Variants in TCAIM observed in about 807,000 individuals in gnomAD.
The protein encoded by TCAIM is T-cell activation inhibitor, mitochondrial.
In TCAIM, 36 loss-of-function variants were observed where a neutral mutation model predicts 58.6. That is an observed-to-expected ratio of 0.61 (90% CI 0.47 to 0.81). TCAIM has a LOEUF of 0.81. Ranked by LOEUF, TCAIM falls within the 30% of genes least tolerant of loss-of-function variation. The pLI is 0.00. For synonymous variants in TCAIM, 172 were observed against 193.6 expected, an observed-to-expected ratio of 0.89 and a Z score of 0.93; for missense variants, 466 against 579.6, an observed-to-expected ratio of 0.80 and a Z score of 2.01.
At chr3:44,352,927 T>TTTC (rs1701120630) in intron 1 of TCAIM, among the ~76,000 whole-genome samples, 1 of 150,820 alleles carries the variant, frequency 6.6e-6, no homozygotes, top group Non-Finnish European at 1.5e-5. Flanking sequence ...TGACTTCTTT[T>TTTC]TTTTTTTTTT....
At chr3:44,368,906 C>G (rs1483446473) in intron 5 of TCAIM, among the ~76,000 whole-genome samples, 2 of 152,270 alleles carry the variant, frequency 1.3e-5, no homozygotes, top group South Asian at 2.1e-4. Context: ...ATTTGTAGTT[C>G]TAGCTACTTG....
chr3:44,383,530 C>T (rs553050015), intron 5 of TCAIM, among the ~76,000 whole-genome samples: 1 of 152,114 alleles, frequency 6.6e-6, no homozygotes, highest in East Asian at 1.9e-4. Context: ...ACAGCGGTTG[C>T]CAGGGACTGG....
Position 44,391,542 on chromosome 3 carries a change from T to C in TCAIM, c.573-1313T>C, listed in dbSNP as rs1486546543. ...TGTAAGACTATTGAGGTAAACATTCTAAGAAATACAGGTTTAGAGAACATC... is the reference window on the plus strand; with the variant it reads ...TGTAAGACTATTGAGGTAAACATTCCAAGAAATACAGGTTTAGAGAACATC... On this transcript the variant is annotated intron_variant, in intron 5 of 10. Transcript: ENST00000342649. Among the ~76,000 whole-genome samples the C allele has an allele frequency of 2.0e-5, 3 of 152,200 alleles. No individual in the cohort carries two copies. In the East Asian group the frequency reaches 5.8e-4, roughly 29 times the overall value.
intron 5 of TCAIM, among the ~76,000 whole-genome samples, chr3:44,373,828 A>G (rs1051805927): frequency 2.4e-4 from 36 of 152,338 alleles, no homozygotes; most frequent in African/African-American, 8.2e-4. Flanking sequence ...ATGTTAAAAC[A>G]AAAATGTACT....
Position 44,407,820 on chromosome 3 carries a change from A to T in TCAIM, c.*138A>T, listed in dbSNP as rs568850752. On this transcript the variant is annotated 3_prime_UTR_variant, in exon 11 of 11. Coordinates refer to ENST00000342649, the MANE Select transcript of TCAIM (RefSeq NM_173826.4). ...TGCTGCTTTAAAAGTAGACTTTTTT[A>T]AAAAAATTAATTTCTGCTAGGAGAG... is the stretch of plus-strand genomic sequence containing the variant. 3.3e-5 allele frequency: 33 copies of T among 992,934 alleles called. 1 individual carries two copies. Among genetic ancestry groups the T allele is most frequent in the African/African-American group, 1.2e-4 (7 of 59,672 alleles). 61.5% of individuals were successfully genotyped at this position (992,934 alleles called of 1,614,324 possible). A position where few individuals can be genotyped will look rare whatever the true frequency, so the allele number is the denominator to read the frequency against.
intron 3 of TCAIM, 41 bp from the exon 4 acceptor site, chr3:44,361,308 TTTCTGATATTTCCTTG>T (rs1192181820): frequency 4.9e-6 from 7 of 1,414,458 alleles, no homozygotes; most frequent in Non-Finnish European, 6.7e-6. Context: ...ATAGATATCA[TTTCTGATATTTCCTTG>T]TTCTATTTTG....
At chr3:44,388,914 A>G (rs796930329) in intron 5 of TCAIM, among the ~76,000 whole-genome samples, 36 of 152,278 alleles carry the variant, frequency 2.4e-4, no homozygotes, top group African/African-American at 8.4e-4. Context: ...TGGTTTGTAG[A>G]CACCCAACAT....
chr3:44,354,681 A>G (rs921318403), intron 1 of TCAIM, 58 bp from the exon 2 acceptor site: 55 of 1,186,744 alleles, frequency 4.6e-5, no homozygotes, highest in Admixed American at 9.4e-5. Flanking sequence ...ATAAATCGCA[A>G]TGTGTTTTAC....
chr3:44,401,096 T>G, intron 9 of TCAIM, 107 bp from the exon 10 acceptor site: 1 of 1,487,054 alleles, frequency 6.7e-7, no homozygotes, highest in Non-Finnish European at 9.0e-7. Context: ...TGAGGTGGCT[T>G]TTCTTGATGA....
intron 5 of TCAIM, among the ~76,000 whole-genome samples, chr3:44,368,265 A>G (rs560316884): frequency 6.6e-6 from 1 of 152,356 alleles, no homozygotes; most frequent in East Asian, 1.9e-4. Flanking sequence ...CCTTATTTGT[A>G]AAGTCACCTT....
At chr3:44,393,412 A>G (rs546267995) in intron 6 of TCAIM, among the ~76,000 whole-genome samples, 1 of 152,280 alleles carries the variant, frequency 6.6e-6, no homozygotes, top group South Asian at 2.1e-4. Context: ...AGTGAGCTAT[A>G]ATTGCATCAC....
At chr3:44,401,759 G>A (rs561455177) in intron 10 of TCAIM, among the ~76,000 whole-genome samples, 6 of 152,120 alleles carry the variant, frequency 3.9e-5, no homozygotes, top group South Asian at 2.1e-4. Context: ...GGCCCGGCAC[G>A]GTGGCTCATG....
chr3:44,338,310 AG>A (rs1559553985), upstream of TCAIM: 1 of 152,456 alleles, frequency 6.6e-6, no homozygotes, highest in Non-Finnish European at 1.5e-5. Context: ...GAGACCCCTC[AG>A]GGCGGCCGGT....
intron 1 of TCAIM, among the ~76,000 whole-genome samples, chr3:44,349,597 G>T (rs909636672): frequency 6.6e-6 from 1 of 152,134 alleles, no homozygotes; most frequent in Non-Finnish European, 1.5e-5. Flanking sequence ...GATCAAGGCA[G>T]GTGTCCCCGT....
At chr3:44,406,503 T>C (rs1222618957) in intron 10 of TCAIM, among the ~76,000 whole-genome samples, 1 of 93,556 alleles carries the variant, frequency 1.1e-5, no homozygotes, top group East Asian at 3.8e-4. Flanking sequence ...AGAATAATCT[T>C]ACAGAAAAAG....
chr3:44,368,873 T>C (rs1349587528), intron 5 of TCAIM, among the ~76,000 whole-genome samples: 1 of 151,908 alleles, frequency 6.6e-6, no homozygotes, highest in Non-Finnish European at 1.5e-5. Flanking sequence ...AATACAAAAA[T>C]TTAGCCAGGC....
At chr3:44,338,357 C>G (rs6441834), upstream of TCAIM, 133,970 of 152,510 alleles carry the variant, frequency 0.88, 58,942 homozygotes, top group Middle Eastern at 0.94. Context: ...AAGCGCGCGG[C>G]GAAGGTGCAG....
Position 44,367,577 on chromosome 3 carries a change from C to T in TCAIM, c.441C>T (p.Thr147=), listed in dbSNP as rs755945996. The part of the protein sequence containing the change: ...HIQSLNTNMH[T]QPLKEAKRMP... The stretch of plus-strand genomic sequence containing the variant: ...AAAGCTTGAATACTAATATGCATAC[C>T]CAGCCTCTCAAAGAAGCTAAAAGGA... The change falls in exon 5 of 11, where the codon ACC becomes ACT. Residue 147 remains threonine, a synonymous_variant. Transcript: ENST00000342649. 4.0e-5 allele frequency: 65 copies of T among 1,613,880 alleles called. No homozygotes were observed. The highest frequency in any genetic ancestry group is 5.1e-5 in the Non-Finnish European group (60 of 1,180,012).
rs1465707257 is a variant in TCAIM, at chr3:44,409,255, T to C, written c.*1573T>C. 6.6e-6 allele frequency: 1 copy of C among 152,232 alleles called. No homozygotes were observed. The highest frequency in any genetic ancestry group is 2.4e-5 in the African/African-American group (1 of 41,466). The allele number at this position is 152,232 out of a possible 1,614,324, so 9.4% of individuals were successfully genotyped here. On this transcript the variant is annotated 3_prime_UTR_variant, in exon 11 of 11. Transcript: ENST00000342649. ...AAATTTTGTTTTCTAGTGTAACAAA[T>C]GTTTCCCATAAGATTTTCTAGAGCC...
Sources: gnomAD v4.1 joint callset for allele counts (sites outside exome capture counted in the v4.1 genomes callset) on GRCh38, gnomAD v4.1.1 for gene constraint, MANE v1.5 for transcripts, NCBI Gene and HGNC (gene_info 2026-07-23, HGNC 2026-07-21) for gene names.